The following DNAH9 variants were observed in gnomAD, a reference collection of about 807,000 sequenced individuals.
DNAH9 encodes DNAH9 variant protein.
Under a neutral mutation model 471.6 loss-of-function variants are expected in DNAH9, and 345 were observed. The observed-to-expected ratio is 0.73, with a 90% CI of 0.67 to 0.80. The LOEUF is 0.80. DNAH9 is among the 30% of genes least tolerant of loss of function. DNAH9 has a pLI of 0.00. For missense variants in DNAH9, 5,407 were observed against 5,609.2 expected, an observed-to-expected ratio of 0.96 and a Z score of 1.15; for synonymous variants, 2,093 against 2,123.6, an observed-to-expected ratio of 0.99 and a Z score of 0.40.
chr17:11,917,528 C>A (rs140349037), intron 61 of DNAH9, among the ~76,000 whole-genome samples: 2 of 152,148 alleles, frequency 1.3e-5, no homozygotes, highest in Admixed American at 1.3e-4. Context: ...TCTGATCAAG[C>A]CTTTAACAGA....
chr17:11,689,658 C>T lies in DNAH9; in HGVS notation c.3836C>T (p.Ala1279Val). 1 of 1,614,136 alleles carries T rather than the reference C, an allele frequency of 6.2e-7. No homozygotes were observed. The highest frequency in any genetic ancestry group is 8.5e-7 in the Non-Finnish European group (1 of 1,180,000). The change falls in exon 20 of 69, where the codon GCC (alanine) becomes GTC (valine). Residue 1279 changes from alanine (A) to valine (V), a missense_variant. Around this residue, in one of 3 missense-constraint regions of DNAH9, gnomAD observed 4,636 missense variants for 4,900.3 expected, o/e 0.95. Transcript: ENST00000262442. ...ACTATGGCCTCCATTTCTGAGTCTG[C>T]CAGCTTATTTGAAGTCAATGTCCCT... ...ESTMASISES[A>V]SLFEVNVPDY... is the part of the protein sequence containing the mutation.
chr17:11,885,592 A>G (rs1401026278), intron 56 of DNAH9, among the ~76,000 whole-genome samples: 1 of 152,194 alleles, frequency 6.6e-6, no homozygotes, highest in Non-Finnish European at 1.5e-5. Flanking sequence ...TTAAATAACT[A>G]TACTCTTATT....
chr17:11,821,607 G>A (rs1970312416), intron 45 of DNAH9, among the ~76,000 whole-genome samples: 1 of 152,048 alleles, frequency 6.6e-6, no homozygotes, highest in Admixed American at 6.6e-5. Context: ...AATACAAAAA[G>A]GGCAAAAAAT....
chr17:11,834,953 G>A, intron 49 of DNAH9, 55 bp downstream of exon 49: 1 of 1,576,438 alleles, frequency 6.3e-7, no homozygotes, highest in East Asian at 2.3e-5. Context: ...TAGACGCAGA[G>A]ACCACCTTGG....
intron 29 of DNAH9, among the ~76,000 whole-genome samples, chr17:11,741,369 G>C (rs931313749): frequency 6.6e-6 from 1 of 152,068 alleles, no homozygotes; most frequent in Admixed American, 6.6e-5. Flanking sequence ...GTCAAGATAG[G>C]GTTAATAAGT....
Position 11,905,809 on chromosome 17 carries a change from G to C in DNAH9, c.11749G>C (p.Gly3917Arg). The C allele has an allele frequency of 6.3e-7, 1 of 1,599,890 alleles. No individual in the cohort carries two copies. The highest frequency in any genetic ancestry group is 8.5e-7 in the Non-Finnish European group (1 of 1,171,298). Residue 3917 changes from glycine (G) to arginine (R), a missense_variant and splice_region_variant, in exon 61 of 69, where the codon GGA (glycine) becomes CGA (arginine). Around this residue, in one of 3 missense-constraint regions of DNAH9, gnomAD observed 4,636 missense variants for 4,900.3 expected, o/e 0.95. Transcript: ENST00000262442. ...VDPLKDVESQGRKLGYTFNNQ... is the reference protein window; with the variant it reads ...VDPLKDVESQRRKLGYTFNNQ... ...CCCACTGAAGGATGTAGAAAGTCAAGGTGAGAAAGGCGTCCTCTTGGAGCC... is the reference window on the plus strand; with the variant it reads ...CCCACTGAAGGATGTAGAAAGTCAACGTGAGAAAGGCGTCCTCTTGGAGCC...
intron 41 of DNAH9, among the ~76,000 whole-genome samples, chr17:11,785,652 AG>A (rs747109198): frequency 4.6e-5 from 7 of 152,338 alleles, no homozygotes; most frequent in Non-Finnish European, 1.0e-4. Context: ...AGGCTAGTTC[AG>A]GATACCACTC....
chr17:11,676,874 A>G (rs2074058424), intron 17 of DNAH9, among the ~76,000 whole-genome samples: 2 of 152,086 alleles, frequency 1.3e-5, no homozygotes, highest in African/African-American at 4.8e-5. Flanking sequence ...TTCTCATTAC[A>G]ATTTAGTTCT....
chr17:11,853,349 C>T (rs1971502334), intron 49 of DNAH9: 1 of 152,456 alleles, frequency 6.6e-6, no homozygotes, highest in Non-Finnish European at 1.5e-5. Flanking sequence ...CCCCAATTTA[C>T]AGATGAAGGT....
Position 11,693,727 on chromosome 17 carries a change from C to G in DNAH9, c.4615-141C>G, listed in dbSNP as rs2074378023. 7 of 914,168 alleles carry G rather than the reference C, an allele frequency of 7.7e-6. No homozygotes were observed. In the East Asian group the frequency reaches 1.7e-4, roughly 22 times the overall value. The allele number at this position is 914,168 out of a possible 1,614,324, so 56.6% of individuals were successfully genotyped here. Reference sequence around the variant, plus strand: ...GGTTCTAAGCTGAATGCAGCTTAAACTAAGGGTGTTTCCTTCGTTGAGTCT... The same window carrying G: ...GGTTCTAAGCTGAATGCAGCTTAAAGTAAGGGTGTTTCCTTCGTTGAGTCT... On this transcript the variant is annotated intron_variant, in intron 20 of 68. Transcript: ENST00000262442.
Position 11,875,184 on chromosome 17 carries a change from G to C in DNAH9, c.10478G>C (p.Gly3493Ala), listed in dbSNP as rs1345498735. ...DLRVTQIGQK[G>A]YLQIIEQALE... ...CGGGTCACGCAGATTGGTCAGAAAGGGTAAGTGGTTGAGCACAGAAGTTCC... is the reference window on the plus strand; with the variant it reads ...CGGGTCACGCAGATTGGTCAGAAAGCGTAAGTGGTTGAGCACAGAAGTTCC... Residue 3493 changes from glycine (G) to alanine (A), a missense_variant and splice_region_variant, in exon 53 of 69, where the codon GGC becomes GCC. Transcript: ENST00000262442. 4 of 1,612,952 alleles carry C rather than the reference G, an allele frequency of 2.5e-6. No homozygotes were observed. Among genetic ancestry groups the C allele is most frequent in the Non-Finnish European group, 1.7e-6 (2 of 1,179,400 alleles).
intron 17 of DNAH9, among the ~76,000 whole-genome samples, chr17:11,675,430 T>G (rs2074033996): frequency 6.6e-6 from 1 of 152,206 alleles, no homozygotes; most frequent in South Asian, 2.1e-4. Flanking sequence ...GCTTTATATC[T>G]CTGTCTCTTA....
At chr17:11,935,972 C>G (rs940161359) in intron 65 of DNAH9, among the ~76,000 whole-genome samples, 2 of 152,126 alleles carry the variant, frequency 1.3e-5, no homozygotes, top group African/African-American at 4.8e-5. Flanking sequence ...CAACAGCGTC[C>G]CCTAGTGTCC....
At chr17:11,710,295 A>G (rs1480166520) in intron 26 of DNAH9, among the ~76,000 whole-genome samples, 1 of 152,172 alleles carries the variant, frequency 6.6e-6, no homozygotes, top group East Asian at 1.9e-4. Context: ...TTTAAGTTAC[A>G]TCTAAGCTTT....
chr17:11,683,384 G>A (rs2074171710), intron 19 of DNAH9, among the ~76,000 whole-genome samples: 2 of 152,176 alleles, frequency 1.3e-5, no homozygotes, highest in South Asian at 4.1e-4. Flanking sequence ...ATGTTGGTCA[G>A]ACTGGTCCCG....
Position 11,745,092 on chromosome 17 carries a change from T to C in DNAH9, c.6399+8T>C. On this transcript the variant is annotated splice_region_variant and intron_variant, in intron 31 of 68. Coordinates refer to ENST00000262442, the MANE Select transcript of DNAH9 (RefSeq NM_001372.4). ...GACAACTTTGTGCTCAAGGTACATG[T>C]GGTTTTTCCTCCCAGGATTTCTCTA... 2 of 1,602,182 alleles carry C rather than the reference T, an allele frequency of 1.2e-6. No homozygotes were observed. Among genetic ancestry groups the C allele is most frequent in the East Asian group, 4.5e-5 (2 of 44,652 alleles).
At chr17:11,802,952 C>T (rs1476199489) in intron 43 of DNAH9, among the ~76,000 whole-genome samples, 2 of 152,198 alleles carry the variant, frequency 1.3e-5, no homozygotes, top group East Asian at 3.8e-4. Context: ...TGTTCTGCCA[C>T]AAATTGGTTG....
intron 45 of DNAH9, among the ~76,000 whole-genome samples, chr17:11,820,982 T>C (rs1970287209): frequency 6.6e-6 from 1 of 152,186 alleles, no homozygotes; most frequent in East Asian, 1.9e-4. Flanking sequence ...TTTAGTGTGC[T>C]GTATAAGATC....
At chr17:11,871,885 A>G (rs184580460) in intron 52 of DNAH9, 99 bp downstream of exon 52, 194 of 1,250,318 alleles carry the variant, frequency 1.6e-4, no homozygotes, top group African/African-American at 5.3e-4. Flanking sequence ...CCTCCTGCAC[A>G]CTCATCCCCA....
Sources: gnomAD v4.1 joint callset for allele counts (sites outside exome capture counted in the v4.1 genomes callset) on GRCh38, gnomAD v4.1.1 for gene constraint, gnomAD v4.1.1 regional missense constraint, MANE v1.5 for transcripts, NCBI Gene and HGNC (gene_info 2026-07-23, HGNC 2026-07-21) for gene names.